The following KCNH8 variants were observed in gnomAD, a reference collection of about 807,000 sequenced individuals.
KCNH8 encodes the protein potassium voltage-gated channel subfamily H member 8.
A neutral mutation model predicts 103.6 loss-of-function variants in KCNH8; 70 were observed. The observed-to-expected ratio is 0.68, with a 90% CI of 0.56 to 0.82. The LOEUF (loss-of-function observed/expected upper bound fraction) is 0.82. KCNH8 is among the 40% of genes least tolerant of loss of function. The probability of loss-of-function intolerance (pLI) is 0.00; values close to 1 mark genes in which losing one functional copy is unlikely to be tolerated. For missense variants in KCNH8, 1,217 were observed against 1,329.9 expected (o/e 0.92, Z 1.32); for synonymous variants, 498 against 489.4 (o/e 1.02, Z -0.23).
intron 4 of KCNH8, among the ~76,000 whole-genome samples, chr3:19,346,267 C>T (rs528943842): frequency 9.9e-5 from 15 of 152,184 alleles, no homozygotes; most frequent in South Asian, 2.1e-4. Context: ...AGAAGCCCAA[C>T]GGGGCTACTT....
chr3:19,453,962 G>A (rs902044372), intron 10 of KCNH8, among the ~76,000 whole-genome samples: 2 of 152,050 alleles, frequency 1.3e-5, no homozygotes, highest in African/African-American at 4.8e-5. Flanking sequence ...CTACCACTTA[G>A]AGTAAAGGTA....
At chr3:19,274,017 G>A (rs948100666) in intron 2 of KCNH8, among the ~76,000 whole-genome samples, 1 of 151,830 alleles carries the variant, frequency 6.6e-6, no homozygotes, top group African/African-American at 2.4e-5. Context: ...GTATATAATC[G>A]TGTCCTATAG....
intron 5 of KCNH8, among the ~76,000 whole-genome samples, chr3:19,370,521 C>G (rs1420411601): frequency 6.6e-6 from 1 of 151,838 alleles, no homozygotes; most frequent in East Asian, 1.9e-4. Flanking sequence ...ATTTTAAAGC[C>G]AATATTCATC....
At chr3:19,466,517 A>G (rs2067738639) in intron 11 of KCNH8, among the ~76,000 whole-genome samples, 1 of 152,082 alleles carries the variant, frequency 6.6e-6, no homozygotes, top group Non-Finnish European at 1.5e-5. Context: ...AAATTGCTGC[A>G]GCCACCCCAG....
At chr3:19,367,648 A>T (rs1293665555) in intron 5 of KCNH8, among the ~76,000 whole-genome samples, 1 of 151,832 alleles carries the variant, frequency 6.6e-6, no homozygotes, top group Non-Finnish European at 1.5e-5. Context: ...CATAGTTCAG[A>T]TAAACAAAAT....
In KCNH8 at chr3:19,451,189, A is replaced by AC; in HGVS notation, c.1611dup (p.Ile538HisfsTer16). On this transcript the variant is annotated frameshift_variant, in exon 10 of 16. Transcript: ENST00000328405. LOFTEE classifies it high-confidence loss of function. ...GACTTTCCAGATGAACTGCGTTCTGACATCACTATGCACTTGAACAAGGAG... is the reference window on the plus strand; with the variant it reads ...GACTTTCCAGATGAACTGCGTTCTGACCATCACTATGCACTTGAACAAGGAG... The AC allele has an allele frequency of 6.2e-7, 1 of 1,613,760 alleles. No individual in the cohort carries two copies. The highest frequency in any genetic ancestry group is 8.5e-7 in the Non-Finnish European group (1 of 1,179,722).
chr3:19,475,978 G>T (rs2067965848), intron 11 of KCNH8, among the ~76,000 whole-genome samples: 1 of 152,128 alleles, frequency 6.6e-6, no homozygotes, highest in Non-Finnish European at 1.5e-5. Context: ...AGTATAAGAA[G>T]ATTGGCCATA....
At chr3:19,350,913 C>A (rs553959207) in intron 5 of KCNH8, among the ~76,000 whole-genome samples, 254 of 152,024 alleles carry the variant, frequency 1.7e-3, no homozygotes, top group Non-Finnish European at 2.9e-3. Context: ...CGGCTTCAGA[C>A]AATCGGTAAT....
intron 1 of KCNH8, among the ~76,000 whole-genome samples, chr3:19,172,505 T>G (rs2063358160): frequency 6.6e-6 from 1 of 152,214 alleles, no homozygotes; most frequent in East Asian, 1.9e-4. Flanking sequence ...TCACTTATAT[T>G]CAGGAGCCAT....
chr3:19,185,487 T>A (rs1385739525), intron 1 of KCNH8, among the ~76,000 whole-genome samples: 1 of 151,918 alleles, frequency 6.6e-6, no homozygotes, highest in Non-Finnish European at 1.5e-5. Flanking sequence ...ATTTACTGAG[T>A]TATGAGAGTT....
intron 7 of KCNH8, among the ~76,000 whole-genome samples, chr3:19,401,634 G>A (rs192073983): frequency 1.4e-4 from 21 of 151,950 alleles, no homozygotes; most frequent in African/African-American, 2.9e-4. Flanking sequence ...CTCTTTTGTC[G>A]TAAGGAGCAA....
At position 19,395,351 on chromosome 3, in the gene KCNH8, TA is replaced by T. The variant is rs200173594; in HGVS notation, c.1177+49del. The stretch of plus-strand genomic sequence containing the variant: ...TTGTCACATTTTCCATTTTTTAATT[TA>T]AAAAAAAAGAGTATCAAGAACTTGG... On this transcript the variant is annotated intron_variant, in intron 7 of 15. Transcript: ENST00000328405. 1.4e-3 allele frequency: 1,980 copies of T among 1,413,224 alleles called. 14 individuals carry two copies. The African/African-American group carries it at 0.019, about 13-fold the overall frequency. 87.5% of individuals were successfully genotyped at this position (1,413,224 alleles called of 1,614,324 possible).
intron 11 of KCNH8, among the ~76,000 whole-genome samples, chr3:19,497,657 G>C (rs1027272674): frequency 6.6e-6 from 1 of 152,082 alleles, no homozygotes. Flanking sequence ...TTTTATGTCT[G>C]ATTTTGTGGT....
chr3:19,208,352 C>G (rs1216422383), intron 1 of KCNH8, among the ~76,000 whole-genome samples: 1 of 151,940 alleles, frequency 6.6e-6, no homozygotes, highest in East Asian at 1.9e-4. Flanking sequence ...TGCACATCTT[C>G]AATATATGAT....
intron 11 of KCNH8, among the ~76,000 whole-genome samples, chr3:19,502,962 A>G: frequency 6.6e-6 from 1 of 152,084 alleles, no homozygotes; most frequent in Non-Finnish European, 1.5e-5. Context: ...CTGCACAGCA[A>G]AAGAAACTAC....
intron 1 of KCNH8, among the ~76,000 whole-genome samples, chr3:19,168,952 C>A (rs1177962161): frequency 6.6e-6 from 1 of 152,206 alleles, no homozygotes; most frequent in Non-Finnish European, 1.5e-5. Context: ...TCCTGACTTT[C>A]CTCCTCACCA....
chr3:19,519,553 G>C (rs1392298562), intron 15 of KCNH8, among the ~76,000 whole-genome samples: 1 of 150,334 alleles, frequency 6.7e-6, no homozygotes, highest in African/African-American at 2.4e-5. Context: ...CGACTAACAA[G>C]GCAGAAAAGG....
intron 1 of KCNH8, among the ~76,000 whole-genome samples, chr3:19,153,324 G>A (rs1025556327): frequency 3.9e-5 from 6 of 152,158 alleles, no homozygotes; most frequent in African/African-American, 1.4e-4. Flanking sequence ...TTATTATATA[G>A]AGAAAATGGA....
At position 19,175,405 on chromosome 3, in the gene KCNH8, T is replaced by G. The variant is rs200920620; in HGVS notation, c.76+26610T>G. On this transcript the variant is annotated intron_variant, in intron 1 of 15. Coordinates refer to ENST00000328405, the MANE Select transcript of KCNH8 (RefSeq NM_144633.3). ...CCCGGCTAACTTTTTGTATTTTTAG[T>G]AGAGACAGGGTTTCACCGTGGTCTC... Among the ~76,000 whole-genome samples the G allele has an allele frequency of 1.0e-3, 157 of 152,182 alleles. 1 individual carries two copies. In the East Asian group the frequency reaches 0.012, roughly 11 times the overall value.
Sources: allele counts gnomAD v4.1 joint callset (sites outside exome capture counted in the v4.1 genomes callset), GRCh38; gene constraint gnomAD v4.1.1; transcripts MANE v1.5; gene names NCBI Gene and HGNC (gene_info 2026-07-23, HGNC 2026-07-21).